Variants in SPX observed in about 807,000 individuals in gnomAD.
SPX encodes spexin hormone, also known as spexin.
In SPX, 22 loss-of-function variants were observed where a neutral mutation model predicts 19.2. The ratio of observed to expected loss-of-function variants is 1.15; its 90% confidence interval spans 0.82 to 1.64. The LOEUF (loss-of-function observed/expected upper bound fraction) is 1.64. Ranked by LOEUF, SPX falls within the 40% of genes most tolerant of loss-of-function variation. SPX has a pLI of 0.00. For synonymous variants in SPX, 50 were observed against 53.3 expected (o/e 0.94, Z 0.27); for missense variants, 143 against 137.7 (o/e 1.04, Z -0.19).
chr12:21,529,096 G>A lies in SPX; in HGVS notation c.292+12G>A. On this transcript the variant is annotated intron_variant, in intron 5 of 5. Coordinates refer to ENST00000256969, the MANE Select transcript of SPX (RefSeq NM_030572.4). ...GAAATCACCAGAAGGTACTAGCATA[G>A]TGGCCTCTTTCACCTGCATAACAGA... 2.5e-6 allele frequency: 4 copies of A among 1,609,892 alleles called. No homozygotes were observed. Among genetic ancestry groups the A allele is most frequent in the East Asian group, 4.5e-5 (2 of 44,852 alleles).
Position 21,526,488 on chromosome 12 carries a change from G to A in SPX, c.6+10G>A. ...GACGCAGAACATGAAGGTAAGTAAA[G>A]GCTTTATTAACTTGAGACTTCTTAG... On this transcript the variant is annotated intron_variant, in intron 1 of 5. Coordinates refer to ENST00000256969, the MANE Select transcript of SPX (RefSeq NM_030572.4). 6.3e-7 allele frequency: 1 copy of A among 1,591,338 alleles called. No homozygotes were observed. The highest frequency in any genetic ancestry group is 2.3e-5 in the East Asian group (1 of 44,348).
In SPX at chr12:21,531,192, G is replaced by C. The variant is rs368801903; in HGVS notation, c.348G>C (p.Trp116Cys). 3 of 1,588,898 alleles carry C rather than the reference G, an allele frequency of 1.9e-6. No homozygotes were observed. The highest frequency in any genetic ancestry group is 1.4e-5 in the African/African-American group (1 of 73,732). ...TCCTGGAAGACAGTCTGCTTAACTG[G>C]TGAAAATATACTGGATTATGTTTAA... ...TRFLEDSLLN[W>C] Residue 116 changes from tryptophan to cysteine, a missense_variant, in exon 6 of 6, where the codon TGG becomes TGC. Transcript: ENST00000256969.
rs1429144486 is a variant in SPX, at chr12:21,527,712, GTC to G, written c.146-12_146-11del. 6.4e-7 allele frequency: 1 copy of G among 1,559,820 alleles called. No individual in the cohort carries two copies. Among genetic ancestry groups the G allele is most frequent in the South Asian group, 1.2e-5 (1 of 84,656 alleles). ...GGGCCAGGCTGTCGCTGAGCCCCAG[GTC>G]TCGTTTTTGCAGAGGGTCGCCGCTT... On this transcript the variant is annotated splice_polypyrimidine_tract_variant and intron_variant, in intron 3 of 5. Transcript: ENST00000256969.
intron 5 of SPX, among the ~76,000 whole-genome samples, chr12:21,529,356 G>A (rs1192673301): frequency 6.6e-6 from 1 of 152,094 alleles, no homozygotes; most frequent in Non-Finnish European, 1.5e-5. Flanking sequence ...CTAGGGCTTA[G>A]ATATAGTGGG....
At chr12:21,527,083 G>A in intron 2 of SPX, 52 bp from the exon 3 acceptor site, 3 of 1,595,264 alleles carry the variant, frequency 1.9e-6, no homozygotes, top group Admixed American at 3.3e-5. Flanking sequence ...CTGTAATAGA[G>A]GACTGAGCTG....
In SPX at chr12:21,527,764, G is replaced by C; in HGVS notation, c.183G>C (p.Lys61Asn). The C allele has an allele frequency of 6.4e-7, 1 of 1,572,682 alleles. No individual in the cohort carries two copies. Among genetic ancestry groups the C allele is most frequent in the Admixed American group, 1.9e-5 (1 of 52,684 alleles). ...RRFISDQSRR[K>N]DLSDRPLPER... Reference sequence around the variant, plus strand: ...TCATCTCCGACCAGAGCCGGAGAAAGGACCTCTCCGACCGGCCACTGCCGG... The same window carrying C: ...TCATCTCCGACCAGAGCCGGAGAAACGACCTCTCCGACCGGCCACTGCCGG... Residue 61 changes from lysine (K) to asparagine (N), a missense_variant, in exon 4 of 6, where the codon AAG becomes AAC. Transcript: ENST00000256969.
Position 21,529,061 on chromosome 12 carries a change from C to G in SPX, c.269C>G (p.Ala90Gly). ...CCGGAGGCAGCAACCATCTTACTGG[C>G]GTCCCTTCAGAAATCACCAGAAGGT... ...TIPEAATILL[A>G]SLQKSPEDEE... Residue 90 changes from alanine (A) to glycine (G), a missense_variant, in exon 5 of 6, where the codon GCG (alanine) becomes GGG (glycine). Transcript: ENST00000256969. 1 of 1,614,114 alleles carries G rather than the reference C, an allele frequency of 6.2e-7. No individual in the cohort carries two copies. The highest frequency in any genetic ancestry group is 1.3e-5 in the African/African-American group (1 of 75,056).
chr12:21,526,958 G>A lies in SPX; in HGVS notation c.79G>A (p.Ala27Thr), dbSNP rs780278792. 1 of 1,614,108 alleles carries A rather than the reference G, an allele frequency of 6.2e-7. No individual in the cohort carries two copies. Among genetic ancestry groups the A allele is most frequent in the Non-Finnish European group, 8.5e-7 (1 of 1,179,968 alleles). Residue 27 changes from alanine (A) to threonine (T), a missense_variant, in exon 2 of 6, where the codon GCT (alanine) becomes ACT (threonine). Transcript: ENST00000256969. ...TGTTTTCCTGGGAAACTCCAGCTGCGCTCCGCAGGTAATCAAATGCAAAAT... is the reference window on the plus strand; with the variant it reads ...TGTTTTCCTGGGAAACTCCAGCTGCACTCCGCAGGTAATCAAATGCAAAAT... ...VFVFLGNSSC[A>T]PQRLLERRNW...
chr12:21,527,801 A>G lies in SPX; in HGVS notation c.208+12A>G. 1 of 1,568,624 alleles carries G rather than the reference A, an allele frequency of 6.4e-7. No individual in the cohort carries two copies. The highest frequency in any genetic ancestry group is 8.6e-7 in the Non-Finnish European group (1 of 1,156,252). ...CCGGCCACTGCCGGGTGAGTGACCA[A>G]GGGTGCAAGGGCGCTAGTCCTGCGC... On this transcript the variant is annotated intron_variant, in intron 4 of 5. Transcript: ENST00000256969.
intron 2 of SPX, 41 bp from the exon 3 acceptor site, chr12:21,527,094 C>T: frequency 1.9e-6 from 3 of 1,602,524 alleles, no homozygotes; most frequent in Non-Finnish European, 2.6e-6. Flanking sequence ...GACTGAGCTG[C>T]AATGTTTTAT....
chr12:21,526,753 C>A, intron 1 of SPX, 133 bp from the exon 2 acceptor site: 1 of 896,988 alleles, frequency 1.1e-6, no homozygotes, highest in Non-Finnish European at 1.7e-6. Flanking sequence ...AGGGAAACAC[C>A]TCCAGAAAAC....
Position 21,526,351 on chromosome 12 carries a change from C to A in SPX, c.-122C>A. The A allele has an allele frequency of 1.2e-6, 1 of 861,994 alleles. No homozygotes were observed. The highest frequency in any genetic ancestry group is 1.8e-6 in the Non-Finnish European group (1 of 558,698). The allele number at this position is 861,994 out of a possible 1,614,324, so 53.4% of individuals were successfully genotyped here. A position where few individuals can be genotyped will look rare whatever the true frequency, so the allele number is the denominator to read the frequency against. On this transcript the variant is annotated 5_prime_UTR_variant, in exon 1 of 6. Coordinates refer to ENST00000256969, the MANE Select transcript of SPX (RefSeq NM_030572.4). Reference sequence around the variant, plus strand: ...CAAGATGTCCCTGTGGACTCCCAAACTCTACTCCAGATGGGGAGGTGCCCT... The same window carrying A: ...CAAGATGTCCCTGTGGACTCCCAAAATCTACTCCAGATGGGGAGGTGCCCT...
chr12:21,530,515 C>A (rs563586971), intron 5 of SPX, among the ~76,000 whole-genome samples: 10 of 152,256 alleles, frequency 6.6e-5, no homozygotes, highest in African/African-American at 2.2e-4. Flanking sequence ...ACTGCTTCTC[C>A]CTACCGTATT....
chr12:21,527,220 A>G (rs766214717), intron 3 of SPX, 28 bp downstream of exon 3: 98 of 1,591,350 alleles, frequency 6.2e-5, no homozygotes, highest in Non-Finnish European at 8.0e-5. Context: ...CGCTCTTCCT[A>G]CAATAATGGA....
intron 4 of SPX, 163 bp downstream of exon 4, chr12:21,527,952 G>GGCA (rs745877318): frequency 1.1e-5 from 8 of 699,896 alleles, no homozygotes; most frequent in African/African-American, 1.9e-5. Flanking sequence ...AGCCCGGGTT[G>GGCA]GCAGCAGCAG....
chr12:21,527,391 T>C, intron 3 of SPX, 199 bp downstream of exon 3: 2 of 616,684 alleles, frequency 3.2e-6, no homozygotes, highest in East Asian at 2.8e-5. Flanking sequence ...CCATCCTTAT[T>C]AGAAATTCTC....
At chr12:21,527,442 G>A (rs1219656614) in intron 3 of SPX, 7 of 596,406 alleles carry the variant, frequency 1.2e-5, no homozygotes, top group Non-Finnish European at 1.8e-5. Flanking sequence ...TCCAAATGGG[G>A]ACTCGGGTTG....
At chr12:21,527,278 A>G in intron 3 of SPX, 86 bp downstream of exon 3, 1 of 1,353,240 alleles carries the variant, frequency 7.4e-7, no homozygotes. Context: ...ATGGAGAGAG[A>G]ATAATGTCGA....
At chr12:21,529,338 G>A (rs973539017) in intron 5 of SPX, among the ~76,000 whole-genome samples, 13 of 152,072 alleles carry the variant, frequency 8.5e-5, no homozygotes, top group African/African-American at 3.1e-4. Flanking sequence ...TGAGAATGGA[G>A]ATACCTTCTA....
Sources: gnomAD v4.1 joint callset for allele counts (sites outside exome capture counted in the v4.1 genomes callset) on GRCh38, gnomAD v4.1.1 for gene constraint, MANE v1.5 for transcripts, NCBI Gene and HGNC (gene_info 2026-07-23, HGNC 2026-07-21) for gene names.